SHROOM2: variants seen among roughly 807,000 people sequenced by gnomAD.
SHROOM2 encodes the protein shroom family member 2.
In SHROOM2, 33 loss-of-function variants were observed where a neutral mutation model predicts 75.9. That is an observed-to-expected ratio of 0.43 (90% CI 0.33 to 0.58). The LOEUF (loss-of-function observed/expected upper bound fraction) is 0.58. SHROOM2 is among the 20% of genes least tolerant of loss of function. The pLI is 0.04. For synonymous variants in SHROOM2, 655 were observed against 663.6 expected (o/e 0.99, Z 0.20); for missense variants, 1,434 against 1,461.2 (o/e 0.98, Z 0.30).
Position 9,895,618 on chromosome X carries a change from G to A in SHROOM2, c.1710G>A (p.Thr570=), listed in dbSNP as rs553859995. The A allele has an allele frequency of 2.7e-5, 31 of 1,162,635 alleles. No homozygotes were observed. The highest frequency in any genetic ancestry group is 2.3e-4 in the Middle Eastern group (1 of 4,272). Residue 570 remains threonine (T), a synonymous_variant, in exon 4 of 10, where the codon ACG becomes ACA. Transcript: ENST00000380913. The part of the protein sequence containing the change: ...KASQRLAASI[T]WADGESSRIC... ...GCCAGAGGCTGGCAGCCAGCATCAC[G>A]TGGGCAGATGGGGAGAGCAGCAGGA...
chrX:9,929,823 CA>C (rs757909303), intron 5 of SHROOM2, among the ~76,000 whole-genome samples: 1 of 111,704 alleles, frequency 9.0e-6, no homozygotes, highest in South Asian at 3.8e-4. Context: ...GGGAGGGACC[CA>C]GGGGGAAGTA....
chrX:9,888,187 A>G (rs2084271303), intron 2 of SHROOM2, among the ~76,000 whole-genome samples: 1 of 112,510 alleles, frequency 8.9e-6, no homozygotes, highest in Admixed American at 9.3e-5. Context: ...TGGCTTGAGC[A>G]GCAGCAGATG....
chrX:9,836,669 C>T (rs1390390102), intron 1 of SHROOM2, among the ~76,000 whole-genome samples: 1 of 110,335 alleles, frequency 9.1e-6, no homozygotes, highest in Non-Finnish European at 1.9e-5. Context: ...TGAAGCAATC[C>T]TCCCATCTCA....
chrX:9,797,132 T>C (rs1957527000), intron 1 of SHROOM2, among the ~76,000 whole-genome samples: 1 of 112,326 alleles, frequency 8.9e-6, no homozygotes, highest in Non-Finnish European at 1.9e-5. Flanking sequence ...TGTTGCCTCC[T>C]CCTCTCAGAC....
rs775260412 is a variant in SHROOM2 at position 9,917,526 on chromosome X, GTTGTTGTTT to G, written c.2892-14646_2892-14638del. On this transcript the variant is annotated intron_variant, in intron 5 of 9. Coordinates refer to ENST00000380913, the MANE Select transcript of SHROOM2 (RefSeq NM_001649.4). ...CTTTGTTGTTGTTGTTGTTGTTGTT[GTTGTTGTTT>G]TTTGAGATGGAGTCTCGCTCTGTCA... Among the ~76,000 whole-genome samples, 470 of 110,819 alleles carry G rather than the reference GTTGTTGTTT, an allele frequency of 4.2e-3. 1 individual carries two copies. The highest frequency in any genetic ancestry group is 7.4e-3 in the Non-Finnish European group (393 of 52,890).
intron 1 of SHROOM2, among the ~76,000 whole-genome samples, chrX:9,833,066 C>T (rs571634245): frequency 2.7e-5 from 3 of 110,724 alleles, no homozygotes; most frequent in South Asian, 7.7e-4. Context: ...TGTCTTCTCG[C>T]GTCCTTGTGG....
intron 5 of SHROOM2, among the ~76,000 whole-genome samples, chrX:9,899,713 G>A (rs1287474808): frequency 8.9e-6 from 1 of 112,212 alleles, no homozygotes; most frequent in East Asian, 2.8e-4. Flanking sequence ...GGTCAGAAAG[G>A]CCGACGAATA....
chrX:9,835,161 A>G (rs1020755418), intron 1 of SHROOM2, among the ~76,000 whole-genome samples: 3 of 112,941 alleles, frequency 2.7e-5, no homozygotes, highest in Admixed American at 1.9e-4. Context: ...GAGTGACCTC[A>G]TATCATTTCA....
chrX:9,791,782 C>T (rs982763992), intron 1 of SHROOM2, among the ~76,000 whole-genome samples: 2 of 110,082 alleles, frequency 1.8e-5, no homozygotes, highest in Admixed American at 9.8e-5. Context: ...CACCTGAGGT[C>T]GGGAGTTCAG....
At chrX:9,890,035 G>A in intron 2 of SHROOM2, among the ~76,000 whole-genome samples, 1 of 112,655 alleles carries the variant, frequency 8.9e-6, no homozygotes, top group East Asian at 2.8e-4. Flanking sequence ...AAATTGACAA[G>A]TTAACAGTTG....
intron 5 of SHROOM2, among the ~76,000 whole-genome samples, chrX:9,923,251 C>T (rs1602003975): frequency 9.0e-6 from 1 of 110,826 alleles, no homozygotes; most frequent in East Asian, 2.8e-4. Flanking sequence ...ACGAACTGGC[C>T]CAGGGTTCAA....
chrX:9,939,257 C>T lies in SHROOM2; in HGVS notation c.4202C>T (p.Thr1401Met), dbSNP rs975946898. The change falls in exon 8 of 10, where the codon ACG (threonine) becomes ATG (methionine). Residue 1401 changes from threonine (T) to methionine (M), a missense_variant. Transcript: ENST00000380913. The stretch of plus-strand genomic sequence containing the variant: ...GCCACCAATTCTACCTACTACAGCA[C>T]GTCGGCCCCCAAGGCGGAGCTGCTG... ...SLATNSTYYSTSAPKAELLIK... is the reference protein window; with the variant it reads ...SLATNSTYYSMSAPKAELLIK... 3 of 1,209,558 alleles carry T rather than the reference C, an allele frequency of 2.5e-6. No individual in the cohort carries two copies. Among genetic ancestry groups the T allele is most frequent in the Non-Finnish European group, 3.4e-6 (3 of 894,245 alleles).
chrX:9,823,546 A>G (rs2083871372), intron 1 of SHROOM2, among the ~76,000 whole-genome samples: 1 of 110,726 alleles, frequency 9.0e-6, no homozygotes, highest in African/African-American at 3.3e-5. Context: ...GTCACCATAA[A>G]TAGATCTTAT....
At chrX:9,808,158 C>G (rs2083766472) in intron 1 of SHROOM2, among the ~76,000 whole-genome samples, 1 of 111,498 alleles carries the variant, frequency 9.0e-6, no homozygotes, top group Non-Finnish European at 1.9e-5. Flanking sequence ...TTCACCCTCT[C>G]AGATTAAAGG....
chrX:9,927,244 G>A (rs2084602831), intron 5 of SHROOM2, among the ~76,000 whole-genome samples: 1 of 107,151 alleles, frequency 9.3e-6, no homozygotes, highest in Non-Finnish European at 1.9e-5. Context: ...CAGCTAGTCA[G>A]GAGACTAAGG....
chrX:9,884,062 G>A (rs956779279), intron 2 of SHROOM2, among the ~76,000 whole-genome samples: 14 of 111,659 alleles, frequency 1.3e-4, no homozygotes, highest in African/African-American at 4.2e-4. Context: ...CCCACAAAAC[G>A]TTCCTCAGCT....
intron 6 of SHROOM2, among the ~76,000 whole-genome samples, chrX:9,935,137 G>T (rs112336729): frequency 0.011 from 1,187 of 110,262 alleles, 16 homozygotes; most frequent in African/African-American, 0.036. Context: ...TGTTTCTATT[G>T]TGCACATCAA....
intron 1 of SHROOM2, among the ~76,000 whole-genome samples, chrX:9,858,790 A>G (rs1213944022): frequency 9.0e-6 from 1 of 110,611 alleles, no homozygotes; most frequent in Non-Finnish European, 1.9e-5. Flanking sequence ...GGGTGACAAG[A>G]GCAATACTCT....
chrX:9,943,949 A>G (rs1355169579), intron 8 of SHROOM2, among the ~76,000 whole-genome samples: 2 of 110,930 alleles, frequency 1.8e-5, no homozygotes, highest in African/African-American at 6.6e-5. Context: ...TGGGAGGCCA[A>G]GGCGGGTGGA....
Sources: allele counts gnomAD v4.1 joint callset (sites outside exome capture counted in the v4.1 genomes callset), GRCh38; gene constraint gnomAD v4.1.1; transcripts MANE v1.5; gene names NCBI Gene and HGNC (gene_info 2026-07-23, HGNC 2026-07-21).